The following EYS variants were observed in gnomAD, a reference collection of about 807,000 sequenced individuals.
EYS encodes the protein protein eyes shut homolog.
In EYS, 250 loss-of-function variants were observed where a neutral mutation model predicts 282.1. The observed-to-expected ratio is 0.89, with a 90% confidence interval of 0.80 to 0.98. The LOEUF is 0.98. EYS is among the 50% of genes least tolerant of loss of function. The pLI, the probability that EYS is intolerant of heterozygous loss-of-function variation, is 0.00. For synonymous variants in EYS, 1,355 were observed against 1,282.9 expected (o/e 1.06, Z -1.20); for missense variants, 4,016 against 3,709.0 (o/e 1.08, Z -2.15).
chr6:64,292,564 A>C (rs187469947), intron 30 of EYS, among the ~76,000 whole-genome samples: 3 of 152,172 alleles, frequency 2.0e-5, no homozygotes, highest in Admixed American at 6.5e-5. Flanking sequence ...ATTTGAGGTA[A>C]GAGTAGTCAA....
At chr6:64,133,608 G>T (rs1274386662) in intron 31 of EYS, among the ~76,000 whole-genome samples, 1 of 151,630 alleles carries the variant, frequency 6.6e-6, no homozygotes, top group Non-Finnish European at 1.5e-5. Flanking sequence ...ATGTTTTAAT[G>T]ATGTTTTAAA....
intron 22 of EYS, among the ~76,000 whole-genome samples, chr6:64,692,966 G>C (rs929032891): frequency 9.4e-6 from 1 of 105,840 alleles, no homozygotes; most frequent in African/African-American, 3.3e-5. Context: ...GGATTGGTTT[G>C]GCTGCTTGGG....
chr6:63,988,033 AT>A (rs769392916), intron 34 of EYS, among the ~76,000 whole-genome samples: 4 of 151,458 alleles, frequency 2.6e-5, no homozygotes, highest in Non-Finnish European at 5.9e-5. Flanking sequence ...ATTTCTTCTT[AT>A]TTAGGTCCCA....
At position 65,554,287 on chromosome 6, in the gene EYS, G is replaced by A. The variant is rs578044765; in HGVS notation, c.-332-58294C>T. On this transcript the variant is annotated intron_variant, in intron 2 of 42. Transcript: ENST00000503581. ...AGGGTTTTTCAAAGATTTAGTATCC[G>A]CATGATATGTTCTAACACCTATCAA... 7.8e-4 allele frequency among the ~76,000 whole-genome samples: 119 copies of A among 152,164 alleles called. 2 individuals are homozygous for A. In the South Asian group the frequency reaches 0.023, roughly 29 times the overall value.
chr6:64,068,204 C>T (rs916237260), intron 32 of EYS, among the ~76,000 whole-genome samples: 1 of 152,050 alleles, frequency 6.6e-6, no homozygotes, highest in African/African-American at 2.4e-5. Flanking sequence ...TTTAATTTTA[C>T]TTTCTTGATA....
chr6:64,044,912 G>T (rs1383925358), intron 33 of EYS, among the ~76,000 whole-genome samples: 1 of 152,158 alleles, frequency 6.6e-6, no homozygotes, highest in African/African-American at 2.4e-5. Context: ...AATATGAAAT[G>T]CAGTGGTTAA....
chr6:64,325,912 A>G (rs1340711827), intron 29 of EYS, among the ~76,000 whole-genome samples: 1 of 152,128 alleles, frequency 6.6e-6, no homozygotes, highest in Admixed American at 6.6e-5. Context: ...GGATTATATT[A>G]AATGAACAAA....
intron 31 of EYS, among the ~76,000 whole-genome samples, chr6:64,159,839 C>A (rs2150300322): frequency 6.6e-6 from 1 of 152,234 alleles, no homozygotes. Context: ...TTAGAGATAA[C>A]ACCTGGTTAA....
chr6:63,821,301 T>G (rs1771318620), intron 36 of EYS: 1 of 151,872 alleles, frequency 6.6e-6, no homozygotes, highest in Admixed American at 6.6e-5. Flanking sequence ...ACAAAGAAAG[T>G]AGAAACAACA....
intron 24 of EYS, among the ~76,000 whole-genome samples, chr6:64,609,723 A>G (rs995319133): frequency 6.6e-6 from 1 of 152,018 alleles, no homozygotes; most frequent in Non-Finnish European, 1.5e-5. Flanking sequence ...TCTCTACAAA[A>G]AATATTATAA....
At chr6:64,427,509 ATTGATTTAACTTGAAGC>A (rs1774446810) in intron 28 of EYS, among the ~76,000 whole-genome samples, 1 of 152,102 alleles carries the variant, frequency 6.6e-6, no homozygotes, top group Non-Finnish European at 1.5e-5. Flanking sequence ...CTATTGTTGT[ATTGATTTAACTTGAAGC>A]TTGCTACCTT....
At chr6:64,391,660 G>A (rs889223452) in intron 28 of EYS, among the ~76,000 whole-genome samples, 81 of 152,132 alleles carry the variant, frequency 5.3e-4, no homozygotes, top group Non-Finnish European at 9.4e-4. Context: ...CGTACCAGCC[G>A]CTGCAAAATC....
chr6:64,019,104 G>C (rs868512363), intron 33 of EYS, among the ~76,000 whole-genome samples: 8 of 152,098 alleles, frequency 5.3e-5, no homozygotes, highest in African/African-American at 7.2e-5. Flanking sequence ...GAGAATCAGA[G>C]AGAGTGAATG....
At chr6:65,273,186 T>G (rs1441650911) in intron 12 of EYS, among the ~76,000 whole-genome samples, 1 of 152,194 alleles carries the variant, frequency 6.6e-6, no homozygotes, top group Non-Finnish European at 1.5e-5. Context: ...TTTCTGGAAT[T>G]TTCCATTTAA....
At chr6:64,676,351 T>TAGAGAG (rs763594847) in intron 22 of EYS, among the ~76,000 whole-genome samples, 3,406 of 145,374 alleles carry the variant, frequency 0.023, 57 homozygotes, top group Non-Finnish European at 0.037. Flanking sequence ...TATATATATA[T>TAGAGAG]AGAGAGAGAG....
Position 65,002,334 on chromosome 6 carries a change from C to A in EYS, c.2138-4631G>T, listed in dbSNP as rs866094720. ...ATCTTGGAAGTGCCAAAATCTGGAA[C>A]AAAAATAATAACTTGGTGATTTATA... On this transcript the variant is annotated intron_variant, in intron 13 of 42. Transcript: ENST00000503581. 2.7e-5 allele frequency among the ~76,000 whole-genome samples: 4 copies of A among 147,004 alleles called. 1 individual carries two copies. The highest frequency in any genetic ancestry group is 6.1e-5 in the Non-Finnish European group (4 of 65,768).
At chr6:64,401,873 G>A (rs1773548411) in intron 28 of EYS, among the ~76,000 whole-genome samples, 1 of 151,972 alleles carries the variant, frequency 6.6e-6, no homozygotes, top group South Asian at 2.1e-4. Context: ...AACTTTGAAT[G>A]GTAGACTATT....
At chr6:64,572,227 A>G (rs1220359450) in intron 26 of EYS, among the ~76,000 whole-genome samples, 1 of 152,276 alleles carries the variant, frequency 6.6e-6, no homozygotes, top group South Asian at 2.1e-4. Flanking sequence ...ATTCAACACC[A>G]CTTCATGGTA....
At chr6:64,039,387 A>C (rs901915951) in intron 33 of EYS, among the ~76,000 whole-genome samples, 3 of 152,208 alleles carry the variant, frequency 2.0e-5, no homozygotes, top group African/African-American at 7.2e-5. Flanking sequence ...TTGCAAAGCA[A>C]GGGAATACAT....
Sources: allele counts gnomAD v4.1 joint callset (sites outside exome capture counted in the v4.1 genomes callset), GRCh38; gene constraint gnomAD v4.1.1; transcripts MANE v1.5; gene names NCBI Gene and HGNC (gene_info 2026-07-23, HGNC 2026-07-21).